The following ZNF765 variants were observed in gnomAD, a reference collection of about 807,000 sequenced individuals.
ZNF765 encodes the protein zinc finger protein 765.
Under a neutral mutation model 44.7 loss-of-function variants are expected in ZNF765, and 37 were observed. The observed-to-expected ratio is 0.83, with a 90% confidence interval of 0.64 to 1.09. The LOEUF (loss-of-function observed/expected upper bound fraction) is 1.09, where lower values mean the gene tolerates loss of function less well. Among genes scored for constraint, ZNF765 ranks in the 50% least tolerant of loss-of-function variants. ZNF765 has a pLI of 0.00. For missense variants in ZNF765, 594 were observed against 626.1 expected (o/e 0.95, Z 0.55); for synonymous variants, 201 against 213.7 (o/e 0.94, Z 0.52).
At chr19:53,405,123 G>T (rs1274950310) in intron 3 of ZNF765, among the ~76,000 whole-genome samples, 3 of 152,060 alleles carry the variant, frequency 2.0e-5, no homozygotes, top group Non-Finnish European at 4.4e-5. Context: ...AGGCCGAGAG[G>T]GGCAGATCAC....
At position 53,408,181 on chromosome 19, in the gene ZNF765, A is replaced by T. The variant is rs956281345; in HGVS notation, c.626A>T (p.His209Leu). 6.2e-7 allele frequency: 1 copy of T among 1,614,226 alleles called. No homozygotes were observed. Among genetic ancestry groups the T allele is most frequent in the Non-Finnish European group, 8.5e-7 (1 of 1,180,026 alleles). Residue 209 changes from histidine (H) to leucine (L), a missense_variant, in exon 4 of 4, where the codon CAT (histidine) becomes CTT (leucine). Transcript: ENST00000396408. ...TTATTCACACAAAAACAGGAAGTAC[A>T]TATGAGGGAAAAATCTTTCCAATGC... ...SSLFTQKQEVHMREKSFQCND... is the reference protein window; with the variant it reads ...SSLFTQKQEVLMREKSFQCND...
chr19:53,401,142 A>T (rs1386187412), intron 2 of ZNF765, among the ~76,000 whole-genome samples: 1 of 152,072 alleles, frequency 6.6e-6, no homozygotes, highest in Non-Finnish European at 1.5e-5. Flanking sequence ...CTGGGATAAC[A>T]GGCATGTGCC....
Position 53,410,186 on chromosome 19 carries a change from G to A in ZNF765, c.*1059G>A, listed in dbSNP as rs923099652. Reference sequence around the variant, plus strand: ...GAGAAACCTTAGCAGTGTAATGAACGTGGCAAGGTTTTAAATCAAAAAGCA... The same window carrying A: ...GAGAAACCTTAGCAGTGTAATGAACATGGCAAGGTTTTAAATCAAAAAGCA... On this transcript the variant is annotated 3_prime_UTR_variant, in exon 4 of 4. Transcript: ENST00000396408. 13 of 375,408 alleles carry A rather than the reference G, an allele frequency of 3.5e-5. No individual in the cohort carries two copies. Among genetic ancestry groups the A allele is most frequent in the Non-Finnish European group, 5.4e-5 (10 of 184,616 alleles). 23.3% of individuals were successfully genotyped at this position (375,408 alleles called of 1,614,324 possible).
chr19:53,400,872 GC>G (rs2085719161), intron 2 of ZNF765, among the ~76,000 whole-genome samples: 1 of 150,776 alleles, frequency 6.6e-6, no homozygotes, highest in Non-Finnish European at 1.5e-5. Flanking sequence ...TTACTGTGTT[GC>G]CCAGGCTGGA....
chr19:53,407,034 T>C (rs931239295), intron 3 of ZNF765, among the ~76,000 whole-genome samples: 57 of 152,162 alleles, frequency 3.7e-4, no homozygotes, highest in African/African-American at 1.4e-3. Flanking sequence ...TTTTTCAAGA[T>C]GGAATCTCAC....
chr19:53,408,216 G>A lies in ZNF765; in HGVS notation c.661G>A (p.Gly221Ser). Residue 221 changes from glycine to serine, a missense_variant, in exon 4 of 4, where the codon GGC (glycine) becomes AGC (serine). Transcript: ENST00000396408. ...REKSFQCNDSGKAYNCSSLLR... is the reference protein window; with the variant it reads ...REKSFQCNDSSKAYNCSSLLR... ...AAAATCTTTCCAATGCAATGACAGT[G>A]GCAAAGCCTATAATTGTAGCTCACT... is the stretch of plus-strand genomic sequence containing the variant. 3.7e-6 allele frequency: 6 copies of A among 1,614,152 alleles called. No homozygotes were observed. The highest frequency in any genetic ancestry group is 5.1e-6 in the Non-Finnish European group (6 of 1,180,026).
intron 3 of ZNF765, among the ~76,000 whole-genome samples, chr19:53,402,758 C>T (rs1408244518): frequency 6.6e-6 from 1 of 152,042 alleles, no homozygotes; most frequent in Non-Finnish European, 1.5e-5. Flanking sequence ...CAGACAGGGT[C>T]TTGCTGTGTT....
downstream of ZNF765, among the ~76,000 whole-genome samples, chr19:53,416,073 GC>G (rs2085873199): frequency 1.3e-5 from 2 of 152,054 alleles, no homozygotes. Context: ...TCCTGCCTCA[GC>G]CCCCCGAGTA....
intron 2 of ZNF765, among the ~76,000 whole-genome samples, chr19:53,398,852 TG>T (rs1298960967): frequency 2.6e-5 from 4 of 152,052 alleles, no homozygotes; most frequent in African/African-American, 9.7e-5. Context: ...CGGGTTCAAG[TG>T]ATTCTCCTGC....
chr19:53,398,523 T>A (rs965428037), intron 2 of ZNF765, among the ~76,000 whole-genome samples: 22 of 152,328 alleles, frequency 1.4e-4, no homozygotes, highest in Middle Eastern at 3.4e-3. Context: ...TGACTCCAAC[T>A]ATCTTACTAA....
intron 3 of ZNF765, among the ~76,000 whole-genome samples, chr19:53,406,147 GC>G (rs1300122304): frequency 6.7e-6 from 1 of 149,836 alleles, no homozygotes; most frequent in Non-Finnish European, 1.5e-5. Context: ...TCCTGCCTCA[GC>G]CTTCCAAGTA....
In ZNF765 at chr19:53,400,783, T is replaced by TATATAC. The variant is rs10664389; in HGVS notation, c.16-1281_16-1280insTATACA. ...GTTGACATATATATATATATATATATACACACATACATAAAATGGATTTTC... is the reference window on the plus strand; with the variant it reads ...GTTGACATATATATATATATATATATATATACACACACATACATAAAATGGATTTTC... On this transcript the variant is annotated intron_variant, in intron 2 of 3. Coordinates refer to ENST00000396408, the MANE Select transcript of ZNF765 (RefSeq NM_001040185.3). Among the ~76,000 whole-genome samples the TATATAC allele has an allele frequency of 1.3e-4, 17 of 126,772 alleles. No individual in the cohort carries two copies. In the East Asian group the frequency reaches 1.8e-3, roughly 13 times the overall value. 83.2% of individuals were successfully genotyped at this position (126,772 alleles called of 152,430 possible).
rs530584637 is a variant in ZNF765, at chr19:53,408,145, T to G, written c.590T>G (p.Leu197Arg). 1 of 1,614,074 alleles carries G rather than the reference T, an allele frequency of 6.2e-7. No homozygotes were observed. The highest frequency in any genetic ancestry group is 2.2e-5 in the East Asian group (1 of 44,878). Residue 197 changes from leucine to arginine, a missense_variant, in exon 4 of 4, where the codon CTG becomes CGG. By Grantham distance (102) the Leu-to-Arg change is moderately radical. This residue lies in a region of ZNF765 where 567 missense variants were observed against 572.6 expected (regional missense o/e 0.99). Transcript: ENST00000396408. ...TCTAATGACTATGGGAATAATTTCC[T>G]GAATTCTTCATTATTCACACAAAAA... ...HISNDYGNNF[L>R]NSSLFTQKQE...
chr19:53,423,924 G>A (rs892489653), exon 4 of ZNF765: 1 of 155,590 alleles, frequency 6.4e-6, no homozygotes, highest in Non-Finnish European at 1.4e-5. Context: ...AGAGGTTTTG[G>A]AGAGGAAGAT....
Position 53,410,878 on chromosome 19 carries a change from C to A in ZNF765, c.*1751C>A, listed in dbSNP as rs898998286. ...TGCGGCAAAGCCTTTAATTCACATT[C>A]ACACCTCACTAGACATCAGAGAATG... On this transcript the variant is annotated 3_prime_UTR_variant, in exon 4 of 4. Transcript: ENST00000396408. The A allele has an allele frequency of 2.3e-5, 11 of 470,392 alleles. No individual in the cohort carries two copies. Among genetic ancestry groups the A allele is most frequent in the African/African-American group, 2.0e-4 (10 of 50,176 alleles). 29.1% of individuals were successfully genotyped at this position (470,392 alleles called of 1,614,324 possible).
rs752212981 is a variant in ZNF765 at position 53,408,966 on chromosome 19, T to G, written c.1411T>G (p.Cys471Gly). 5.0e-6 allele frequency: 8 copies of G among 1,603,736 alleles called. No homozygotes were observed. Among genetic ancestry groups the G allele is most frequent in the Non-Finnish European group, 6.8e-6 (8 of 1,173,024 alleles). Reference protein sequence around the residue: ...TEENPYKCNECGKTFSRTSSL... With the variant: ...TEENPYKCNEGGKTFSRTSSL... ...AGAGAATCCTTACAAGTGTAATGAG[T>G]GTGGCAAGACCTTCAGCCGGACGTC... The change falls in exon 4 of 4, where the codon TGT becomes GGT. Residue 471 changes from cysteine to glycine, a missense_variant. By Grantham distance (159) the Cys-to-Gly change is radical. Around this residue, in one of 2 missense-constraint regions of ZNF765, gnomAD observed 567 missense variants for 572.6 expected, o/e 0.99. Coordinates refer to ENST00000396408, the MANE Select transcript of ZNF765 (RefSeq NM_001040185.3).
At chr19:53,402,371 T>C (rs1711715756) in intron 3 of ZNF765, among the ~76,000 whole-genome samples, 180 bp downstream of exon 3, 3 of 147,530 alleles carry the variant, frequency 2.0e-5, no homozygotes, top group Admixed American at 1.4e-4. Flanking sequence ...ATTCTCCTAC[T>C]TCAGCCTCCC....
chr19:53,426,691 C>G (rs1030492989), exon 4 of ZNF765: 2 of 145,448 alleles, frequency 1.4e-5, no homozygotes, highest in Non-Finnish European at 1.5e-5. Context: ...ACTGTGCATG[C>G]GAGGGATCTG....
chr19:53,425,062 T>C (rs1188799801), exon 4 of ZNF765: 1 of 152,244 alleles, frequency 6.6e-6, no homozygotes, highest in East Asian at 1.9e-4. Flanking sequence ...CTCATTCTCT[T>C]CCTGGCAGGA....
Sources: allele counts gnomAD v4.1 joint callset (sites outside exome capture counted in the v4.1 genomes callset), GRCh38; gene constraint gnomAD v4.1.1; regional missense constraint gnomAD v4.1.1; transcripts MANE v1.5; gene names NCBI Gene and HGNC (gene_info 2026-07-23, HGNC 2026-07-21).